Variants in CNIH4 observed in about 807,000 individuals in gnomAD.
CNIH4 encodes the protein cornichon family member 4, also known as protein cornichon homolog 4.
Under a neutral mutation model 21.5 loss-of-function variants are expected in CNIH4, and 9 were observed. The observed-to-expected ratio is 0.42, with a 90% CI of 0.25 to 0.73. The LOEUF (loss-of-function observed/expected upper bound fraction) is 0.73, where lower values mean the gene tolerates loss of function less well. CNIH4 is among the 30% of genes least tolerant of loss of function. The pLI is 0.27. For synonymous variants in CNIH4, 67 were observed against 59.1 expected (o/e 1.13, Z -0.61); for missense variants, 159 against 170.0 (o/e 0.94, Z 0.36).
intron 2 of CNIH4, among the ~76,000 whole-genome samples, chr1:224,364,697 G>A (rs1672398641): frequency 6.6e-6 from 1 of 152,198 alleles, no homozygotes; most frequent in African/African-American, 2.4e-5. Context: ...CACTTTGGGA[G>A]GCTGAGGTGG....
At chr1:224,374,408 CGTTTCTTTTTT>C (rs1672720661) in intron 4 of CNIH4, among the ~76,000 whole-genome samples, 1 of 150,868 alleles carries the variant, frequency 6.6e-6, no homozygotes. Flanking sequence ...GGGCAAGTTT[CGTTTCTTTTTT>C]TTTTTTCTTT....
intron 1 of CNIH4, among the ~76,000 whole-genome samples, chr1:224,358,170 T>G (rs887306840): frequency 2.6e-5 from 4 of 152,210 alleles, no homozygotes; most frequent in Non-Finnish European, 4.4e-5. Context: ...GCTTGCACAT[T>G]ATTTCCCTAA....
intron 3 of CNIH4, 74 bp downstream of exon 3, chr1:224,366,065 A>G (rs1672443416): frequency 1.1e-6 from 1 of 922,624 alleles, no homozygotes; most frequent in South Asian, 1.3e-5. Flanking sequence ...TTTTCAAGAC[A>G]GGATCTTACT....
At position 224,378,108 on chromosome 1, in the gene CNIH4, G is replaced by T. The variant is rs1201547296; in HGVS notation, c.*2286G>T. 1.3e-5 allele frequency: 2 copies of T among 151,942 alleles called. No homozygotes were observed. Among genetic ancestry groups the T allele is most frequent in the Admixed American group, 1.3e-4 (2 of 15,244 alleles). The allele number at this position is 151,942 out of a possible 1,614,324, so 9.4% of individuals were successfully genotyped here. A position where few individuals can be genotyped will look rare whatever the true frequency, so the allele number is the denominator to read the frequency against. On this transcript the variant is annotated 3_prime_UTR_variant, in exon 5 of 5. Transcript: ENST00000465271. ...CTTGCCCTGTCGCCCAAGCTGGAGT[G>T]CACTGGCGCAATCGTGGTACACTGC...
chr1:224,357,767 A>G (rs1672160234), intron 1 of CNIH4, among the ~76,000 whole-genome samples: 1 of 152,112 alleles, frequency 6.6e-6, no homozygotes, highest in Non-Finnish European at 1.5e-5. Flanking sequence ...CCATGTTAAA[A>G]CTTAAGTTGC....
intron 4 of CNIH4, among the ~76,000 whole-genome samples, chr1:224,372,009 A>G (rs1472037522): frequency 1.3e-5 from 2 of 152,182 alleles, no homozygotes; most frequent in African/African-American, 4.8e-5. Context: ...GCATTAATAT[A>G]TGTGCCTCAG....
At chr1:224,358,544 T>G (rs1672182421) in intron 1 of CNIH4, among the ~76,000 whole-genome samples, 1 of 152,164 alleles carries the variant, frequency 6.6e-6, no homozygotes, top group Non-Finnish European at 1.5e-5. Flanking sequence ...AACACAAATT[T>G]GTAAACTTTC....
intron 4 of CNIH4, among the ~76,000 whole-genome samples, chr1:224,372,252 G>A (rs965522030): frequency 1.3e-5 from 2 of 152,162 alleles, no homozygotes; most frequent in Non-Finnish European, 2.9e-5. Flanking sequence ...GCCTTATATA[G>A]TCCTGTTTTA....
intron 2 of CNIH4, among the ~76,000 whole-genome samples, chr1:224,362,897 C>T (rs911269699): frequency 3.9e-5 from 6 of 152,056 alleles, no homozygotes; most frequent in Admixed American, 1.3e-4. Flanking sequence ...TTTTTTCCCT[C>T]CTTCTCTTCC....
chr1:224,372,117 A>G (rs1044901178), intron 4 of CNIH4, among the ~76,000 whole-genome samples: 5 of 152,162 alleles, frequency 3.3e-5, no homozygotes, highest in African/African-American at 1.2e-4. Context: ...GCAATAAGTA[A>G]TTTAGGTGTG....
Position 224,371,311 on chromosome 1 carries a change from G to A in CNIH4, c.280G>A (p.Gly94Arg). 6.2e-7 allele frequency: 1 copy of A among 1,614,030 alleles called. No individual in the cohort carries two copies. ...RYIMVPSGNM[G>R]VFDPTEIHNR... ...CATTATGGTGCCGAGTGGTAACATG[G>A]GAGTGTTTGATCCAACAGAAATACA... The change falls in exon 4 of 5, where the codon GGA (glycine) becomes AGA (arginine). Residue 94 changes from glycine (G) to arginine (R), a missense_variant. Physicochemically the swap from Gly to Arg is moderately radical, Grantham distance 125 (BLOSUM62 -2). Coordinates refer to ENST00000465271, the MANE Select transcript of CNIH4 (RefSeq NM_014184.4).
chr1:224,371,303 G>A lies in CNIH4; in HGVS notation c.272G>A (p.Gly91Asp), dbSNP rs769543021. The A allele has an allele frequency of 1.2e-6, 2 of 1,613,786 alleles. No individual in the cohort carries two copies. The highest frequency in any genetic ancestry group is 1.7e-5 in the Admixed American group (1 of 59,912). The change falls in exon 4 of 5, where the codon GGT becomes GAT. Residue 91 changes from glycine (G) to aspartate (D), a missense_variant. Gly to Asp is a moderately conservative substitution (Grantham distance 94, BLOSUM62 -1). Transcript: ENST00000465271. ...NIYRYIMVPS[G>D]NMGVFDPTEI... ...ATCAGATACATTATGGTGCCGAGTGGTAACATGGGAGTGTTTGATCCAACA... is the reference window on the plus strand; with the variant it reads ...ATCAGATACATTATGGTGCCGAGTGATAACATGGGAGTGTTTGATCCAACA...
In CNIH4 at chr1:224,360,503, A is replaced by G; in HGVS notation, c.78A>G (p.Thr26=). 7.1e-7 allele frequency: 1 copy of G among 1,412,420 alleles called. No individual in the cohort carries two copies. The highest frequency in any genetic ancestry group is 1.4e-5 in the South Asian group (1 of 70,368). 87.5% of individuals were successfully genotyped at this position (1,412,420 alleles called of 1,614,324 possible). The change falls in exon 2 of 5, where the codon ACA becomes ACG. Residue 26 remains threonine, a synonymous_variant. Transcript: ENST00000465271. ...LIFLSVYFII[T]LSDLECDYIN... ...CTTATCTTGATCATCAGATAATTAC[A>G]TTGTCTGATTTAGAATGTGATTACA...
chr1:224,372,811 A>G (rs1451492622), intron 4 of CNIH4, among the ~76,000 whole-genome samples: 1 of 149,906 alleles, frequency 6.7e-6, no homozygotes, highest in Admixed American at 6.7e-5. Flanking sequence ...CAATCTCCTG[A>G]CCTCATGATC....
At chr1:224,364,146 G>C in intron 2 of CNIH4, 2 of 983,836 alleles carry the variant, frequency 2.0e-6, no homozygotes, top group African/African-American at 3.5e-5. Context: ...CCAGTACTTT[G>C]GGAGGCCGAG....
intron 3 of CNIH4, among the ~76,000 whole-genome samples, chr1:224,368,241 A>G (rs1182771046): frequency 1.3e-5 from 2 of 152,198 alleles, no homozygotes; most frequent in Non-Finnish European, 2.9e-5. Context: ...CTGAGGCAGG[A>G]GAATCACTTG....
chr1:224,365,850 A>G (rs747585402), intron 2 of CNIH4, 29 bp from the exon 3 acceptor site: 1 of 1,223,628 alleles, frequency 8.2e-7, no homozygotes, highest in Non-Finnish European at 1.2e-6. Context: ...CATAGCAGTG[A>G]GATGTAATAC....
chr1:224,357,786 A>G (rs1052069281), intron 1 of CNIH4, among the ~76,000 whole-genome samples: 11 of 152,232 alleles, frequency 7.2e-5, no homozygotes, highest in Admixed American at 2.6e-4. Flanking sequence ...GCAGTATTCA[A>G]ACTGTTTTCC....
intron 2 of CNIH4, among the ~76,000 whole-genome samples, chr1:224,365,103 C>T (rs1269559853): frequency 2.0e-5 from 3 of 152,170 alleles, no homozygotes; most frequent in Non-Finnish European, 4.4e-5. Context: ...GGCAATTTAC[C>T]TAACCACTCT....
Sources: gnomAD v4.1 joint callset for allele counts (sites outside exome capture counted in the v4.1 genomes callset) on GRCh38, gnomAD v4.1.1 for gene constraint, MANE v1.5 for transcripts, NCBI Gene and HGNC (gene_info 2026-07-23, HGNC 2026-07-21) for gene names.